MRPL48: variants seen among roughly 807,000 people sequenced by gnomAD.
The protein encoded by MRPL48 is mitochondrial ribosomal protein L48, also known as large ribosomal subunit protein mL48.
A neutral mutation model predicts 32.9 loss-of-function variants in MRPL48; 16 were observed. The ratio of observed to expected loss-of-function variants is 0.49; its 90% confidence interval spans 0.33 to 0.74. The LOEUF is 0.74. Among genes scored for constraint, MRPL48 ranks in the 30% least tolerant of loss-of-function variants. The pLI is 0.02. For synonymous variants in MRPL48, 94 were observed against 89.2 expected, an observed-to-expected ratio of 1.05 and a Z score of -0.31; for missense variants, 206 against 245.3, an observed-to-expected ratio of 0.84 and a Z score of 1.07.
intron 4 of MRPL48, among the ~76,000 whole-genome samples, chr11:73,829,192 G>C (rs1014831664): frequency 2.0e-5 from 3 of 151,922 alleles, no homozygotes; most frequent in African/African-American, 7.3e-5. Flanking sequence ...CTTTTTCAAG[G>C]CTCACAAGCT....
chr11:73,836,518 AT>A (rs1441411713), intron 4 of MRPL48, among the ~76,000 whole-genome samples: 4 of 152,236 alleles, frequency 2.6e-5, no homozygotes, highest in African/African-American at 9.6e-5. Context: ...ACTTATTATT[AT>A]ATACCAGGTG....
intron 1 of MRPL48, among the ~76,000 whole-genome samples, chr11:73,802,669 G>A (rs1337474312): frequency 6.6e-6 from 1 of 151,790 alleles, no homozygotes; most frequent in African/African-American, 2.4e-5. Context: ...TTAACATTCA[G>A]CACAGCAGTT....
chr11:73,847,134 T>C (rs1948306912), intron 5 of MRPL48, among the ~76,000 whole-genome samples: 1 of 152,136 alleles, frequency 6.6e-6, no homozygotes, highest in Non-Finnish European at 1.5e-5. Flanking sequence ...CCAAATTGTT[T>C]TCCAAAATGG....
At chr11:73,862,045 T>C (rs1051426146) in intron 6 of MRPL48, among the ~76,000 whole-genome samples, 1 of 152,150 alleles carries the variant, frequency 6.6e-6, no homozygotes, top group Non-Finnish European at 1.5e-5. Context: ...CCCAGCACTT[T>C]GGGAGAACAA....
intron 4 of MRPL48, among the ~76,000 whole-genome samples, chr11:73,827,566 C>G (rs1452951086): frequency 2.0e-5 from 3 of 152,128 alleles, no homozygotes; most frequent in South Asian, 4.1e-4. Flanking sequence ...ATCTGTCTTT[C>G]AATCTCAAGC....
chr11:73,814,744 G>A (rs562938620), intron 3 of MRPL48, among the ~76,000 whole-genome samples: 23 of 149,180 alleles, frequency 1.5e-4, no homozygotes, highest in Admixed American at 2.7e-4. Context: ...TTGTAATCTC[G>A]GCAGTTTGGG....
chr11:73,820,539 G>A (rs1261761101), intron 3 of MRPL48, among the ~76,000 whole-genome samples: 1 of 151,978 alleles, frequency 6.6e-6, no homozygotes, highest in Non-Finnish European at 1.5e-5. Flanking sequence ...CATCTCTTAG[G>A]TGCATTCTGT....
At position 73,793,902 on chromosome 11, in the gene MRPL48, C is replaced by T. The variant is rs143354525; in HGVS notation, c.21+5910C>T. 1.7e-3 allele frequency among the ~76,000 whole-genome samples: 244 copies of T among 144,988 alleles called. 1 individual carries two copies. Among genetic ancestry groups the T allele is most frequent in the African/African-American group, 5.8e-3 (226 of 39,268 alleles). On this transcript the variant is annotated intron_variant, in intron 1 of 7. Coordinates refer to ENST00000310614, the MANE Select transcript of MRPL48 (RefSeq NM_016055.6). The stretch of plus-strand genomic sequence containing the variant: ...TCCCTTTTTCTGGAGAACAGGGTCT[C>T]GCTATATTGCCCAGGCAGGTCTCGA...
chr11:73,825,647 T>TA (rs1947873585), intron 3 of MRPL48, 61 bp from the exon 4 acceptor site: 1 of 1,457,318 alleles, frequency 6.9e-7, no homozygotes, highest in African/African-American at 1.4e-5. Flanking sequence ...CCCTGTCTCT[T>TA]AAAAAACAAC....
intron 5 of MRPL48, among the ~76,000 whole-genome samples, chr11:73,858,912 T>G (rs1354554165): frequency 6.6e-6 from 1 of 152,260 alleles, no homozygotes; most frequent in Non-Finnish European, 1.5e-5. Context: ...CTTGACTCCA[T>G]GTTCCGTGTT....
intron 5 of MRPL48, among the ~76,000 whole-genome samples, chr11:73,852,781 A>T (rs1032134676): frequency 6.6e-6 from 1 of 152,204 alleles, no homozygotes; most frequent in Non-Finnish European, 1.5e-5. Context: ...AGTATATCGA[A>T]AAGTTATCTG....
chr11:73,806,955 T>C (rs1322507399), intron 2 of MRPL48, among the ~76,000 whole-genome samples: 1 of 152,022 alleles, frequency 6.6e-6, no homozygotes, highest in Non-Finnish European at 1.5e-5. Flanking sequence ...CTGCAACCTC[T>C]ACCATCCAGG....
chr11:73,856,164 G>T (rs1005256355), intron 5 of MRPL48, among the ~76,000 whole-genome samples: 4 of 152,170 alleles, frequency 2.6e-5, no homozygotes, highest in African/African-American at 4.8e-5. Context: ...CTCTTTGCTG[G>T]CTCTTTGCTC....
At chr11:73,803,981 G>A (rs532229550) in intron 1 of MRPL48, among the ~76,000 whole-genome samples, 1 of 151,958 alleles carries the variant, frequency 6.6e-6, no homozygotes, top group African/African-American at 2.4e-5. Flanking sequence ...CTGCAGTGGC[G>A]AGATCTCGGC....
At chr11:73,846,752 G>C (rs1440386576) in intron 5 of MRPL48, among the ~76,000 whole-genome samples, 1 of 151,640 alleles carries the variant, frequency 6.6e-6, no homozygotes, top group East Asian at 1.9e-4. Flanking sequence ...ACCCAGGCTG[G>C]TATGCAGTGG....
chr11:73,841,876 C>T (rs1948191622), intron 4 of MRPL48, among the ~76,000 whole-genome samples: 1 of 152,106 alleles, frequency 6.6e-6, no homozygotes, highest in Non-Finnish European at 1.5e-5. Context: ...TTAAAATTCT[C>T]ATTCCTACCC....
chr11:73,845,236 T>C (rs1421381078), intron 5 of MRPL48: 3 of 294,054 alleles, frequency 1.0e-5, no homozygotes, highest in African/African-American at 6.5e-5. Flanking sequence ...TTGTTTTAAC[T>C]TCTCCAGAAT....
chr11:73,813,749 T>TA (rs1947609672), intron 3 of MRPL48, among the ~76,000 whole-genome samples: 2 of 151,996 alleles, frequency 1.3e-5, no homozygotes, highest in South Asian at 2.1e-4. Context: ...AGATTATTTT[T>TA]AAAAATCCAT....
At chr11:73,791,132 G>T (rs539505268) in intron 1 of MRPL48, among the ~76,000 whole-genome samples, 1 of 150,774 alleles carries the variant, frequency 6.6e-6, no homozygotes, top group Non-Finnish European at 1.5e-5. Context: ...GCAATCTGCC[G>T]CCTGGGCCTC....
Sources: gnomAD v4.1 joint callset for allele counts (sites outside exome capture counted in the v4.1 genomes callset) on GRCh38, gnomAD v4.1.1 for gene constraint, MANE v1.5 for transcripts, NCBI Gene and HGNC (gene_info 2026-07-23, HGNC 2026-07-21) for gene names.